The following LRRC4C variants were observed in gnomAD, a reference collection of about 807,000 sequenced individuals.
LRRC4C encodes the protein leucine rich repeat containing 4C, also known as leucine-rich repeat-containing protein 4C.
Under a neutral mutation model 33.6 loss-of-function variants are expected in LRRC4C, and 5 were observed. The observed-to-expected ratio is 0.15, with a 90% CI of 0.08 to 0.31. LRRC4C has a LOEUF of 0.31. LRRC4C is among the 10% of genes least tolerant of loss of function. LRRC4C has a pLI of 1.00. For missense variants in LRRC4C, 560 were observed against 796.7 expected (o/e 0.70, Z 3.58); for synonymous variants, 329 against 302.0 (o/e 1.09, Z -0.93).
At chr11:40,705,379 C>T (rs777581840) in intron 2 of LRRC4C, among the ~76,000 whole-genome samples, 13 of 151,762 alleles carry the variant, frequency 8.6e-5, no homozygotes, top group African/African-American at 1.5e-4. Context: ...ACGACAGGGC[C>T]GGGTGTGTGA....
intron 3 of LRRC4C, among the ~76,000 whole-genome samples, chr11:40,607,596 T>G (rs1960760222): frequency 6.6e-6 from 1 of 152,048 alleles, no homozygotes; most frequent in African/African-American, 2.4e-5. Context: ...CAGGGAAAGA[T>G]CACCTTCCCA....
rs143583321 is a variant in LRRC4C at position 40,552,337 on chromosome 11, C to A, written c.-270+95805G>T. On this transcript the variant is annotated intron_variant, in intron 3 of 6. Transcript: ENST00000528697. ...GGCTTGAGGCCACACAGTCAGCCAA[C>A]TGAGTGGGAATTCGAACCCAGTTGT... Among the ~76,000 whole-genome samples the A allele has an allele frequency of 3.9e-3, 596 of 152,306 alleles. 7 individuals are homozygous for A. The highest frequency in any genetic ancestry group is 0.014 in the African/African-American group (574 of 41,562).
At chr11:41,286,953 C>A (rs2136975307) in intron 1 of LRRC4C, among the ~76,000 whole-genome samples, 1 of 152,190 alleles carries the variant, frequency 6.6e-6, no homozygotes, top group East Asian at 1.9e-4. Context: ...CCAAGATCTA[C>A]CAGTGAAGGA....
chr11:40,382,123 ATTTTTT>A (rs77934711), intron 3 of LRRC4C, among the ~76,000 whole-genome samples: 112 of 99,946 alleles, frequency 1.1e-3, no homozygotes, highest in African/African-American at 1.8e-3. Context: ...TGCCCGGCTA[ATTTTTT>A]TTTTTTTTTT....
chr11:40,915,224 G>T (rs1399890786), intron 2 of LRRC4C, among the ~76,000 whole-genome samples: 3 of 152,116 alleles, frequency 2.0e-5, no homozygotes, highest in Non-Finnish European at 4.4e-5. Flanking sequence ...CCAAAAAAGA[G>T]CCCATATTGC....
chr11:40,675,430 G>T (rs894268884), intron 2 of LRRC4C, among the ~76,000 whole-genome samples: 7 of 152,088 alleles, frequency 4.6e-5, no homozygotes, highest in African/African-American at 1.7e-4. Context: ...GAGATAGTAG[G>T]GTAGCTGGGA....
chr11:40,811,764 G>A (rs112524820), intron 2 of LRRC4C, among the ~76,000 whole-genome samples: 326 of 152,242 alleles, frequency 2.1e-3, no homozygotes, highest in Non-Finnish European at 3.4e-3. Flanking sequence ...CCAAAGTGCT[G>A]GGATTACAGG....
At chr11:41,241,192 C>T (rs1054924084) in intron 1 of LRRC4C, among the ~76,000 whole-genome samples, 4 of 152,070 alleles carry the variant, frequency 2.6e-5, no homozygotes, top group Non-Finnish European at 5.9e-5. Flanking sequence ...CAAATGAAAG[C>T]GTTATTCAAA....
intron 2 of LRRC4C, among the ~76,000 whole-genome samples, chr11:40,725,735 C>G (rs899630227): frequency 2.0e-5 from 3 of 152,104 alleles, no homozygotes; most frequent in African/African-American, 7.2e-5. Flanking sequence ...CCTGTACATG[C>G]CTACATATCA....
chr11:41,359,001 T>C (rs1591346398), intron 1 of LRRC4C, among the ~76,000 whole-genome samples: 1 of 152,206 alleles, frequency 6.6e-6, no homozygotes, highest in Admixed American at 6.5e-5. Flanking sequence ...ACAGATAAAC[T>C]GAGGTACATT....
At chr11:41,094,024 G>A (rs373753044) in intron 1 of LRRC4C, among the ~76,000 whole-genome samples, 1 of 150,432 alleles carries the variant, frequency 6.6e-6, no homozygotes, top group Non-Finnish European at 1.5e-5. Context: ...CAGGAGAATT[G>A]CTTGAACCCG....
chr11:41,074,195 T>A (rs1938931762), intron 1 of LRRC4C, among the ~76,000 whole-genome samples: 1 of 152,172 alleles, frequency 6.6e-6, no homozygotes, highest in Admixed American at 6.6e-5. Flanking sequence ...ATGAAAAACT[T>A]AAGAGTACTA....
chr11:41,417,957 A>AATATATACGTGTATATATATACAT (rs1448264054), intron 1 of LRRC4C, among the ~76,000 whole-genome samples: 1 of 86,158 alleles, frequency 1.2e-5, no homozygotes, highest in South Asian at 3.5e-4. Flanking sequence ...TATATATACA[A>AATATATACGTGTATATATATACAT]ATATATACAA....
intron 1 of LRRC4C, among the ~76,000 whole-genome samples, chr11:41,348,924 C>T (rs1032054812): frequency 2.6e-5 from 4 of 152,166 alleles, no homozygotes; most frequent in Non-Finnish European, 4.4e-5. Flanking sequence ...CTGCGTGGAG[C>T]CCAGAGGCTT....
intron 6 of LRRC4C, among the ~76,000 whole-genome samples, chr11:40,140,568 C>A (rs1331023470): frequency 6.6e-6 from 1 of 152,096 alleles, no homozygotes; most frequent in Non-Finnish European, 1.5e-5. Context: ...AAGAGAAACA[C>A]AAGAAATTTG....
intron 2 of LRRC4C, among the ~76,000 whole-genome samples, chr11:40,896,520 T>C (rs951802189): frequency 1.4e-5 from 2 of 148,066 alleles, no homozygotes; most frequent in African/African-American, 4.9e-5. Context: ...GATAGAAATT[T>C]GGGTCTGTAC....
At chr11:40,680,381 G>T (rs532130728) in intron 2 of LRRC4C, among the ~76,000 whole-genome samples, 2 of 152,226 alleles carry the variant, frequency 1.3e-5, no homozygotes, top group African/African-American at 4.8e-5. Context: ...AATTGATTTT[G>T]AAATGTGAAG....
At chr11:40,950,578 G>GA (rs1958648430) in intron 1 of LRRC4C, among the ~76,000 whole-genome samples, 2 of 151,894 alleles carry the variant, frequency 1.3e-5, no homozygotes, top group Admixed American at 1.3e-4. Context: ...TGACCTTTGT[G>GA]TATACATGGA....
intron 5 of LRRC4C, among the ~76,000 whole-genome samples, chr11:40,174,895 T>C (rs111849972): frequency 7.2e-5 from 11 of 152,284 alleles, no homozygotes; most frequent in African/African-American, 2.6e-4. Flanking sequence ...CATGCTTTGA[T>C]TAAAGTCACA....
Sources: gnomAD v4.1 joint callset for allele counts (sites outside exome capture counted in the v4.1 genomes callset) on GRCh38, gnomAD v4.1.1 for gene constraint, MANE v1.5 for transcripts, NCBI Gene and HGNC (gene_info 2026-07-23, HGNC 2026-07-21) for gene names.